ZNF100: variants seen among roughly 807,000 people sequenced by gnomAD.
The protein encoded by ZNF100 is zinc finger protein 100 (Y1).
In ZNF100, 12 loss-of-function variants were observed where a neutral mutation model predicts 15.8. That is an observed-to-expected ratio of 0.76 (90% confidence interval 0.49 to 1.23). The LOEUF is 1.23. Ranked by LOEUF, ZNF100 falls within the 50% of genes most tolerant of loss-of-function variation. The pLI, the probability that ZNF100 is intolerant of heterozygous loss-of-function variation, is 0.00. For synonymous variants in ZNF100, 226 were observed against 214.8 expected (o/e 1.05, Z -0.45); for missense variants, 670 against 635.6 (o/e 1.05, Z -0.58).
chr19:21,743,717 G>C (rs1357908516), intron 4 of ZNF100, among the ~76,000 whole-genome samples: 1 of 152,010 alleles, frequency 6.6e-6, no homozygotes, highest in African/African-American at 2.4e-5. Flanking sequence ...GAAAAGTAGG[G>C]AGATTGTGCA....
chr19:21,758,197 C>T (rs947238661), intron 2 of ZNF100, among the ~76,000 whole-genome samples: 2 of 151,598 alleles, frequency 1.3e-5, no homozygotes, highest in Non-Finnish European at 2.9e-5. Context: ...GAACACAAAA[C>T]CAAATGCATG....
intron 2 of ZNF100, among the ~76,000 whole-genome samples, chr19:21,758,973 C>G (rs2036436512): frequency 6.6e-6 from 1 of 152,240 alleles, no homozygotes; most frequent in East Asian, 1.9e-4. Flanking sequence ...CTTCTACCAC[C>G]AAAACTGCAG....
intron 4 of ZNF100, among the ~76,000 whole-genome samples, chr19:21,742,349 T>G (rs1372490985): frequency 6.8e-6 from 1 of 147,918 alleles, no homozygotes; most frequent in African/African-American, 2.5e-5. Flanking sequence ...ATGTTACGTG[T>G]TTTTACAACC....
intron 4 of ZNF100, among the ~76,000 whole-genome samples, chr19:21,730,437 A>G (rs1213971391): frequency 1.9e-5 from 2 of 105,338 alleles, no homozygotes; most frequent in African/African-American, 7.3e-5. Flanking sequence ...TCATTTACTG[A>G]TAACCTAAGT....
intron 2 of ZNF100, among the ~76,000 whole-genome samples, chr19:21,765,394 C>T (rs2036541678): frequency 6.6e-6 from 1 of 152,180 alleles, no homozygotes; most frequent in South Asian, 2.1e-4. Flanking sequence ...CTGCATTATG[C>T]CCCAGTGACT....
intron 4 of ZNF100, among the ~76,000 whole-genome samples, chr19:21,737,251 C>T (rs967298070): frequency 5.3e-5 from 8 of 151,910 alleles, no homozygotes; most frequent in African/African-American, 1.2e-4. Flanking sequence ...CAGGGCTTGG[C>T]GTGGTAGATC....
chr19:21,757,035 T>C (rs371471604), intron 2 of ZNF100, among the ~76,000 whole-genome samples: 6 of 152,334 alleles, frequency 3.9e-5, no homozygotes, highest in African/African-American at 1.2e-4. Context: ...GAGAGGTGGC[T>C]CACACCTGTA....
intron 4 of ZNF100, among the ~76,000 whole-genome samples, chr19:21,735,080 C>T (rs2035984017): frequency 1.3e-5 from 2 of 152,140 alleles, no homozygotes; most frequent in Admixed American, 6.5e-5. Flanking sequence ...GAAACCACTA[C>T]CAGCAAATGC....
Position 21,727,071 on chromosome 19 carries a change from G to A in ZNF100, c.1241C>T (p.Ser414Leu), listed in dbSNP as rs759044950. 1 of 1,613,696 alleles carries A rather than the reference G, an allele frequency of 6.2e-7. No individual in the cohort carries two copies. The highest frequency in any genetic ancestry group is 8.5e-7 in the Non-Finnish European group (1 of 1,179,876). ...AATTCTCTTATGTTTAGTGAGGGCT[G>A]AGGACCAGTTAAAGCCTTTGCCGCA... ...EECGKGFNWS[S>L]ALTKHKRIHT... Residue 414 changes from serine (S) to leucine (L), a missense_variant, in exon 5 of 5, where the codon TCA (serine) becomes TTA (leucine). By Grantham distance (145) the Ser-to-Leu change is moderately radical. Coordinates refer to ENST00000358296, the MANE Select transcript of ZNF100 (RefSeq NM_173531.4).
chr19:21,735,820 ACT>A (rs2035999684), intron 4 of ZNF100, among the ~76,000 whole-genome samples: 1 of 151,974 alleles, frequency 6.6e-6, no homozygotes, highest in Non-Finnish European at 1.5e-5. Context: ...ACGGAGTCTT[ACT>A]CTGTCACCCA....
Position 21,727,502 on chromosome 19 carries a change from A to G in ZNF100, c.810T>C (p.Phe270=), listed in dbSNP as rs771161845. The G allele has an allele frequency of 1.9e-6, 3 of 1,613,590 alleles. No individual in the cohort carries two copies. Among genetic ancestry groups the G allele is most frequent in the Non-Finnish European group, 2.5e-6 (3 of 1,179,768 alleles). ...GTGTAGTAAGGTGTGAGGACCGGTT[A>G]AATGCTTTCCCACATTCTTCACATT... is the stretch of plus-strand genomic sequence containing the variant. ...PYKCEECGKA[F]NRSSHLTTHK... is the part of the protein sequence containing the mutation. The change falls in exon 5 of 5, where the codon TTT becomes TTC. Residue 270 remains phenylalanine (F), a synonymous_variant. Coordinates refer to ENST00000358296, the MANE Select transcript of ZNF100 (RefSeq NM_173531.4).
chr19:21,755,670 A>T (rs1032250485), intron 2 of ZNF100, among the ~76,000 whole-genome samples: 1 of 152,204 alleles, frequency 6.6e-6, no homozygotes, highest in African/African-American at 2.4e-5. Flanking sequence ...TAACAAAGAC[A>T]TGGAGCCAAC....
chr19:21,745,816 C>T lies in ZNF100; in HGVS notation c.97-749G>A, dbSNP rs560884924. On this transcript the variant is annotated intron_variant, in intron 2 of 4. Coordinates refer to ENST00000358296, the MANE Select transcript of ZNF100 (RefSeq NM_173531.4). ...GGATTACAGGCGTGAGCCACCACGC[C>T]CGGCCGAGTTTCTGAATTTCTAACG... Among the ~76,000 whole-genome samples, 291 of 152,292 alleles carry T rather than the reference C, an allele frequency of 1.9e-3. 1 individual carries two copies. Among genetic ancestry groups the T allele is most frequent in the African/African-American group, 6.8e-3 (283 of 41,570 alleles).
In ZNF100 at chr19:21,762,315, G is replaced by T. The variant is rs1302704922; in HGVS notation, c.96+3379C>A. On this transcript the variant is annotated intron_variant, in intron 2 of 4. Transcript: ENST00000358296. ...TTGAATTATGAAGACATGACAATCA[G>T]CCACGACTTCCTATCAGCTTGGTTC... is the stretch of plus-strand genomic sequence containing the variant. Among the ~76,000 whole-genome samples the T allele has an allele frequency of 2.6e-5, 4 of 152,214 alleles. No homozygotes were observed. In the East Asian group the frequency reaches 7.7e-4, roughly 29 times the overall value.
rs1338222519 is a variant in ZNF100, at chr19:21,724,929, T to C, written c.*1754A>G. On this transcript the variant is annotated 3_prime_UTR_variant, in exon 5 of 5. Coordinates refer to ENST00000358296, the MANE Select transcript of ZNF100 (RefSeq NM_173531.4). ...AGCTGGGCATGGTGGTGGGTGCCTG[T>C]AATCCCAGCTACTTAGGAGGCTGAG... The C allele has an allele frequency of 6.6e-6, 1 of 152,106 alleles. No individual in the cohort carries two copies. Among genetic ancestry groups the C allele is most frequent in the East Asian group, 1.9e-4 (1 of 5,192 alleles). The allele number at this position is 152,106 out of a possible 1,614,324, so 9.4% of individuals were successfully genotyped here.
intron 2 of ZNF100, among the ~76,000 whole-genome samples, chr19:21,759,591 C>T (rs1374475959): frequency 6.6e-6 from 1 of 152,126 alleles, no homozygotes; most frequent in Non-Finnish European, 1.5e-5. Flanking sequence ...GAGGTCAGCA[C>T]AAGATACAGG....
chr19:21,732,158 G>A (rs868666809), intron 4 of ZNF100, among the ~76,000 whole-genome samples: 6 of 151,798 alleles, frequency 4.0e-5, no homozygotes, highest in South Asian at 4.2e-4. Context: ...GCGACAGAGC[G>A]AGACTCCGTC....
At chr19:21,746,437 G>A (rs1599393610) in intron 2 of ZNF100, among the ~76,000 whole-genome samples, 3 of 152,112 alleles carry the variant, frequency 2.0e-5, no homozygotes, top group East Asian at 3.8e-4. Flanking sequence ...GTTCTGCATA[G>A]AGCTAATGGA....
chr19:21,726,592 A>G lies in ZNF100; in HGVS notation c.*91T>C. ...TTGAGAATTTATTAAAGGCTTTGCC[A>G]TATTCTTCACAGTCACAGGAGTTCC... On this transcript the variant is annotated 3_prime_UTR_variant, in exon 5 of 5. Coordinates refer to ENST00000358296, the MANE Select transcript of ZNF100 (RefSeq NM_173531.4). The G allele has an allele frequency of 8.6e-7, 1 of 1,163,328 alleles. No individual in the cohort carries two copies. Among genetic ancestry groups the G allele is most frequent in the Non-Finnish European group, 1.2e-6 (1 of 821,892 alleles). The allele number at this position is 1,163,328 out of a possible 1,614,324, so 72.1% of individuals were successfully genotyped here. A position where few individuals can be genotyped will look rare whatever the true frequency, so the allele number is the denominator to read the frequency against.
Sources: gnomAD v4.1 joint callset for allele counts (sites outside exome capture counted in the v4.1 genomes callset) on GRCh38, gnomAD v4.1.1 for gene constraint, MANE v1.5 for transcripts, NCBI Gene and HGNC (gene_info 2026-07-23, HGNC 2026-07-21) for gene names.